The following ANK3 variants were observed in gnomAD, a reference collection of about 807,000 sequenced individuals.
The protein encoded by ANK3 is ankyrin 3.
In ANK3, 57 loss-of-function variants were observed where a neutral mutation model predicts 370.9. That is an observed-to-expected ratio of 0.15 (90% CI 0.12 to 0.19). The LOEUF is 0.19. Ranked by LOEUF, ANK3 falls within the 10% of genes least tolerant of loss-of-function variation. The pLI is 1.00. For missense variants in ANK3, 4,439 were observed against 5,302.1 expected (o/e 0.84, Z 5.06); for synonymous variants, 1,929 against 1,946.3 (o/e 0.99, Z 0.23).
At chr10:60,566,442 G>A (rs1412840672) in intron 2 of ANK3, among the ~76,000 whole-genome samples, 1 of 152,200 alleles carries the variant, frequency 6.6e-6, no homozygotes, top group East Asian at 1.9e-4. Context: ...TCTTTCACTA[G>A]TGAGCCAAAT....
intron 1 of ANK3, among the ~76,000 whole-genome samples, chr10:60,345,333 C>T (rs2055204506): frequency 6.6e-6 from 1 of 152,062 alleles, no homozygotes. Flanking sequence ...GTTGGCATGC[C>T]ATATCCCTAC....
At chr10:60,461,385 C>A (rs2064879822) in intron 2 of ANK3, among the ~76,000 whole-genome samples, 2 of 152,120 alleles carry the variant, frequency 1.3e-5, no homozygotes, top group African/African-American at 4.8e-5. Context: ...AAAATAGTCA[C>A]CCTACATATA....
chr10:60,614,252 T>G (rs2078238988), intron 2 of ANK3, among the ~76,000 whole-genome samples: 1 of 152,124 alleles, frequency 6.6e-6, no homozygotes, highest in African/African-American at 2.4e-5. Context: ...TTCACAAAAT[T>G]CAGCCTAGTA....
upstream of ANK3, among the ~76,000 whole-genome samples, chr10:60,391,646 C>T (rs192194152): frequency 1.8e-4 from 27 of 152,324 alleles, no homozygotes; most frequent in South Asian, 6.2e-4. Context: ...TCTTTATAGA[C>T]GCTAATGATA....
intron 2 of ANK3, among the ~76,000 whole-genome samples, chr10:60,460,407 GA>G (rs1400170201): frequency 1.3e-5 from 2 of 152,242 alleles, no homozygotes; most frequent in Admixed American, 1.3e-4. Flanking sequence ...ACAAAAAGAT[GA>G]TTGCCAGAGT....
intron 25 of ANK3, 59 bp from the exon 26 acceptor site, chr10:60,114,390 T>A: frequency 1.2e-6 from 1 of 868,832 alleles, no homozygotes; most frequent in South Asian, 1.7e-5. Flanking sequence ...CTGATTTCTC[T>A]ACACATATAA....
rs72806188 is a variant in ANK3 at position 60,437,629 on chromosome 10, G to A, written c.97-157990C>T. ...CAAGTGGCTATCCAAAAATTTAATA[G>A]GTTCCATGACCCTGGAATGCTCGAG... On this transcript the variant is annotated intron_variant, in intron 2 of 43. Coordinates refer to the ANK3 transcript ENST00000373827. Among the ~76,000 whole-genome samples the A allele has an allele frequency of 4.9e-3, 747 of 152,282 alleles. 4 individuals are homozygous for A. The highest frequency in any genetic ancestry group is 6.2e-3 in the Non-Finnish European group (421 of 68,026).
intron 2 of ANK3, among the ~76,000 whole-genome samples, chr10:60,611,828 C>T (rs945398278): frequency 2.7e-5 from 4 of 150,228 alleles, no homozygotes; most frequent in African/African-American, 7.4e-5. Context: ...AAAGTGACCT[C>T]GGTTTCTTAA....
chr10:60,363,285 G>T (rs990914743), intron 1 of ANK3, among the ~76,000 whole-genome samples: 1 of 152,130 alleles, frequency 6.6e-6, no homozygotes, highest in Non-Finnish European at 1.5e-5. Context: ...TCACTAAACC[G>T]AAATAGCACC....
chr10:60,395,824 C>A (rs757954926), intron 2 of ANK3, among the ~76,000 whole-genome samples: 51 of 151,964 alleles, frequency 3.4e-4, no homozygotes, highest in Non-Finnish European at 6.3e-4. Flanking sequence ...TTTCCATGGG[C>A]GAGAAAGACA....
chr10:60,207,621 A>G (rs2096785059), intron 10 of ANK3, among the ~76,000 whole-genome samples: 1 of 152,358 alleles, frequency 6.6e-6, no homozygotes, highest in South Asian at 2.1e-4. Context: ...GTTAAGATAT[A>G]TAAAATTTTA....
chr10:60,049,706 T>C (rs2077575670), intron 42 of ANK3, among the ~76,000 whole-genome samples: 1 of 152,240 alleles, frequency 6.6e-6, no homozygotes, highest in Non-Finnish European at 1.5e-5. Flanking sequence ...GTTATAATCA[T>C]ATTTTAAGCT....
At chr10:60,377,671 C>T (rs941377957) in intron 1 of ANK3, among the ~76,000 whole-genome samples, 6 of 152,130 alleles carry the variant, frequency 3.9e-5, no homozygotes, top group Admixed American at 3.3e-4. Context: ...AAAGCCTTCT[C>T]CAAATGCATG....
chr10:60,203,428 C>A (rs1250358002), intron 11 of ANK3, among the ~76,000 whole-genome samples: 5 of 152,146 alleles, frequency 3.3e-5, no homozygotes, highest in Non-Finnish European at 7.3e-5. Context: ...TACTAATAAA[C>A]CTTCCTTATC....
At chr10:60,332,468 T>C (rs1329358493) in intron 1 of ANK3, among the ~76,000 whole-genome samples, 1 of 152,174 alleles carries the variant, frequency 6.6e-6, no homozygotes. Context: ...CCAGCACTTA[T>C]TTTTCTAACT....
At chr10:60,100,849 T>C (rs1303323256) in intron 28 of ANK3, among the ~76,000 whole-genome samples, 3 of 152,214 alleles carry the variant, frequency 2.0e-5, no homozygotes, top group Non-Finnish European at 4.4e-5. Context: ...ATACACACTG[T>C]CCAGAGAGGC....
intron 1 of ANK3, among the ~76,000 whole-genome samples, chr10:60,645,450 C>A (rs1187746497): frequency 6.6e-6 from 1 of 152,030 alleles, no homozygotes. Context: ...ATAGGCCAGG[C>A]GCAGTGGCTC....
At chr10:60,186,524 A>AT (rs982249603) in intron 17 of ANK3, 191 bp downstream of exon 17, 1 of 692,294 alleles carries the variant, frequency 1.4e-6, no homozygotes, top group African/African-American at 1.8e-5. Context: ...CGCATTGACC[A>AT]TTTTTCTTAT....
rs78823462 is a variant in ANK3 at position 60,682,048 on chromosome 10, G to T, written c.57+51215C>A. On this transcript the variant is annotated intron_variant, in intron 1 of 43. Transcript: ENST00000373827. ...TGTGGTCTTAGCTACTTAGGAGGCT[G>T]AGGCGAGAGGACTGCTTGAGCCCAG... Among the ~76,000 whole-genome samples, 1,172 of 152,276 alleles carry T rather than the reference G, an allele frequency of 7.7e-3. 13 individuals are homozygous for T. The highest frequency in any genetic ancestry group is 0.027 in the African/African-American group (1,114 of 41,534).
Sources: allele counts gnomAD v4.1 joint callset (sites outside exome capture counted in the v4.1 genomes callset), GRCh38; gene constraint gnomAD v4.1.1; transcripts MANE v1.5; gene names NCBI Gene and HGNC (gene_info 2026-07-23, HGNC 2026-07-21).